The following LDB2 variants were observed in gnomAD, a reference collection of about 807,000 sequenced individuals.
LDB2 encodes the protein LIM domain binding 2.
In LDB2, 12 loss-of-function variants were observed where a neutral mutation model predicts 44.3. The observed-to-expected ratio is 0.27, with a 90% CI of 0.17 to 0.44. The LOEUF (loss-of-function observed/expected upper bound fraction) is 0.44, where lower values mean the gene tolerates loss of function less well. Among genes scored for constraint, LDB2 ranks in the 20% least tolerant of loss-of-function variants. The pLI is 1.00. For synonymous variants in LDB2, 164 were observed against 174.8 expected, an observed-to-expected ratio of 0.94 and a Z score of 0.49; for missense variants, 344 against 473.5, an observed-to-expected ratio of 0.73 and a Z score of 2.54.
intron 1 of LDB2, among the ~76,000 whole-genome samples, chr4:16,895,713 C>A (rs1398038003): frequency 6.6e-6 from 1 of 152,110 alleles, no homozygotes; most frequent in Non-Finnish European, 1.5e-5. Context: ...AGTAGTCACT[C>A]AAAGGCATAT....
At chr4:16,539,026 C>G (rs1732826026) in intron 5 of LDB2, among the ~76,000 whole-genome samples, 1 of 152,172 alleles carries the variant, frequency 6.6e-6, no homozygotes, top group Admixed American at 6.6e-5. Context: ...AGTCCCCAAT[C>G]TTAAGATGCT....
intron 2 of LDB2, among the ~76,000 whole-genome samples, chr4:16,602,876 T>A (rs1722939073): frequency 6.6e-6 from 1 of 152,138 alleles, no homozygotes; most frequent in African/African-American, 2.4e-5. Context: ...ATGCAAGATG[T>A]GTGTCATGGC....
intron 1 of LDB2, among the ~76,000 whole-genome samples, chr4:16,776,682 C>T (rs1771981447): frequency 6.6e-6 from 1 of 152,092 alleles, no homozygotes; most frequent in Non-Finnish European, 1.5e-5. Flanking sequence ...TAGCGGATGA[C>T]AAATAATGAA....
intron 2 of LDB2, among the ~76,000 whole-genome samples, chr4:16,692,576 TC>T (rs1319918478): frequency 3.3e-5 from 5 of 152,312 alleles, no homozygotes; most frequent in Admixed American, 2.6e-4. Flanking sequence ...TTTTTCCTCT[TC>T]TTTTTTGGTA....
At chr4:16,878,515 C>T (rs966649557) in intron 1 of LDB2, among the ~76,000 whole-genome samples, 3 of 152,214 alleles carry the variant, frequency 2.0e-5, no homozygotes, top group Non-Finnish European at 4.4e-5. Context: ...TGAAGCCATT[C>T]TCTACTGAGC....
chr4:16,659,717 G>C (rs983516127), intron 2 of LDB2, among the ~76,000 whole-genome samples: 1 of 142,992 alleles, frequency 7.0e-6, no homozygotes, highest in Non-Finnish European at 1.5e-5. Context: ...ATGTAACAAG[G>C]TAATCGGCCT....
intron 2 of LDB2, among the ~76,000 whole-genome samples, chr4:16,691,609 A>T (rs1188866400): frequency 3.3e-5 from 5 of 152,200 alleles, no homozygotes; most frequent in Non-Finnish European, 7.3e-5. Context: ...TTCAGTATCT[A>T]ATTTCAAGAA....
At chr4:16,875,104 A>G (rs1269788228) in intron 1 of LDB2, among the ~76,000 whole-genome samples, 1 of 152,186 alleles carries the variant, frequency 6.6e-6, no homozygotes, top group African/African-American at 2.4e-5. Context: ...AAAACAGCCA[A>G]CAAGTATTCA....
Position 16,898,522 on chromosome 4 carries a change from T to G in LDB2, c.-37A>C, listed in dbSNP as rs1345232102. On this transcript the variant is annotated 5_prime_UTR_variant, in exon 1 of 8. Transcript: ENST00000304523. ...TTCGAAAATCAAGCTAAACAGAGTA[T>G]CAGTAACGTCCATGCAGAGCACATG... 1 of 1,610,046 alleles carries G rather than the reference T, an allele frequency of 6.2e-7. No homozygotes were observed. Among genetic ancestry groups the G allele is most frequent in the Non-Finnish European group, 8.5e-7 (1 of 1,177,832 alleles).
chr4:16,827,625 A>C (rs558950856), intron 1 of LDB2, among the ~76,000 whole-genome samples: 21 of 152,332 alleles, frequency 1.4e-4, no homozygotes, highest in African/African-American at 4.8e-4. Flanking sequence ...GTGTGTGTGT[A>C]ATGTGGAATG....
chr4:16,781,709 C>T (rs1773270864), intron 1 of LDB2, among the ~76,000 whole-genome samples: 1 of 152,142 alleles, frequency 6.6e-6, no homozygotes, highest in African/African-American at 2.4e-5. Flanking sequence ...TCACCTGCCC[C>T]CTCCCCTATA....
At chr4:16,756,941 T>C (rs899026703) in intron 2 of LDB2, among the ~76,000 whole-genome samples, 16 of 151,016 alleles carry the variant, frequency 1.1e-4, no homozygotes, top group African/African-American at 3.7e-4. Context: ...TTATTTCATA[T>C]GTGTGTGATT....
At chr4:16,643,792 C>T (rs1735886779) in intron 2 of LDB2, among the ~76,000 whole-genome samples, 1 of 151,956 alleles carries the variant, frequency 6.6e-6, no homozygotes, top group Non-Finnish European at 1.5e-5. Flanking sequence ...TAATTAAATG[C>T]ATCTCACAAA....
chr4:16,793,312 A>G (rs921058837), intron 1 of LDB2, among the ~76,000 whole-genome samples: 6 of 152,150 alleles, frequency 3.9e-5, no homozygotes, highest in African/African-American at 1.4e-4. Context: ...CCCTCTAACC[A>G]GGGCAGAATG....
intron 2 of LDB2, among the ~76,000 whole-genome samples, chr4:16,697,509 C>T (rs374627889): frequency 1.8e-4 from 27 of 152,162 alleles, no homozygotes; most frequent in African/African-American, 5.1e-4. Flanking sequence ...TTCCCCACCA[C>T]GGCTTCTTCC....
intron 1 of LDB2, among the ~76,000 whole-genome samples, chr4:16,892,112 T>C (rs961716906): frequency 3.9e-5 from 6 of 152,182 alleles, no homozygotes; most frequent in African/African-American, 9.7e-5. Flanking sequence ...ACTCCATATA[T>C]GCTATTCTAT....
At chr4:16,613,863 A>C (rs988736705) in intron 2 of LDB2, among the ~76,000 whole-genome samples, 1 of 152,238 alleles carries the variant, frequency 6.6e-6, no homozygotes, top group Non-Finnish European at 1.5e-5. Flanking sequence ...TTATAGATTC[A>C]ATGCTATTCC....
chr4:16,671,014 T>C (rs1744596341), intron 2 of LDB2, among the ~76,000 whole-genome samples: 1 of 152,042 alleles, frequency 6.6e-6, no homozygotes, highest in South Asian at 2.1e-4. Context: ...ACCCACAGCC[T>C]GTCTTATCTG....
chr4:16,642,718 A>C (rs1735554972), intron 2 of LDB2, among the ~76,000 whole-genome samples: 1 of 152,088 alleles, frequency 6.6e-6, no homozygotes, highest in African/African-American at 2.4e-5. Context: ...TCTCTTAAGG[A>C]TATGTTTAAT....
Sources: allele counts gnomAD v4.1 joint callset (sites outside exome capture counted in the v4.1 genomes callset), GRCh38; gene constraint gnomAD v4.1.1; transcripts MANE v1.5; gene names NCBI Gene and HGNC (gene_info 2026-07-23, HGNC 2026-07-21).